The following TRDMT1 variants were observed in gnomAD, a reference collection of about 807,000 sequenced individuals.
The protein encoded by TRDMT1 is tRNA aspartic acid methyltransferase 1.
TRDMT1 carries 49 observed loss-of-function variants against 51.2 expected under a neutral mutation model. The observed-to-expected ratio is 0.96, with a 90% CI of 0.76 to 1.21. The LOEUF is 1.21. Among genes scored for constraint, TRDMT1 ranks in the 50% most tolerant of loss-of-function variants. TRDMT1 has a pLI of 0.00. For missense variants in TRDMT1, 534 were observed against 462.3 expected, an observed-to-expected ratio of 1.16 and a Z score of -1.42; for synonymous variants, 187 against 164.6, an observed-to-expected ratio of 1.14 and a Z score of -1.04.
chr10:17,179,358 C>T (rs1842994796), intron 1 of TRDMT1, among the ~76,000 whole-genome samples: 3 of 152,100 alleles, frequency 2.0e-5, no homozygotes, highest in Admixed American at 2.0e-4. Context: ...CATAGCCCAG[C>T]ATTACCCTTA....
At chr10:17,187,287 T>C (rs1247597150) in intron 1 of TRDMT1, among the ~76,000 whole-genome samples, 1 of 152,194 alleles carries the variant, frequency 6.6e-6, no homozygotes, top group African/African-American at 2.4e-5. Context: ...TAATAATAAT[T>C]TTTAAATATT....
At chr10:17,159,044 G>C (rs1588526427) in intron 7 of TRDMT1, 102 bp downstream of exon 7, 4 of 738,860 alleles carry the variant, frequency 5.4e-6, no homozygotes, top group Non-Finnish European at 8.1e-6. Context: ...ATAGTACACA[G>C]AGACAGCTAC....
chr10:17,189,924 T>A lies in TRDMT1; in HGVS notation c.64+11647A>T, dbSNP rs549908803. Among the ~76,000 whole-genome samples, 4 of 152,262 alleles carry A rather than the reference T, an allele frequency of 2.6e-5. No homozygotes were observed. In the East Asian group the frequency reaches 7.7e-4, roughly 29 times the overall value. On this transcript the variant is annotated intron_variant, in intron 1 of 10. Transcript: ENST00000377799. ...TACTAGAGGGTAATTAACTTCATTA[T>A]TGAGTTTGAACAAAAATCAGTAATG...
chr10:17,195,461 AG>A lies in TRDMT1; in HGVS notation c.64+6109del, dbSNP rs895002305. Among the ~76,000 whole-genome samples, 4 of 152,178 alleles carry A rather than the reference AG, an allele frequency of 2.6e-5. No individual in the cohort carries two copies. The South Asian group carries it at 8.3e-4, about 32-fold the overall frequency. ...GACACCGGGGACTACTAGAGAGAGA[AG>A]GGGGGCAGCAAAGGTTAAAAAACTA... is the stretch of plus-strand genomic sequence containing the variant. On this transcript the variant is annotated intron_variant, in intron 1 of 10. Transcript: ENST00000377799.
chr10:17,156,723 G>A (rs1839565634), intron 8 of TRDMT1, among the ~76,000 whole-genome samples: 1 of 152,024 alleles, frequency 6.6e-6, no homozygotes, highest in South Asian at 2.1e-4. Flanking sequence ...ACTGATATGC[G>A]ATAATATTCT....
intron 1 of TRDMT1, among the ~76,000 whole-genome samples, chr10:17,176,049 C>T (rs1023305560): frequency 1.3e-5 from 2 of 152,144 alleles, no homozygotes; most frequent in African/African-American, 4.8e-5. Context: ...TAAATTGTAT[C>T]TGTTAAAGCC....
chr10:17,150,089 T>C (rs1367887689), intron 10 of TRDMT1, among the ~76,000 whole-genome samples: 4 of 152,148 alleles, frequency 2.6e-5, no homozygotes, highest in Non-Finnish European at 2.9e-5. Flanking sequence ...CCATTTCACA[T>C]TCACACACCC....
At position 17,182,619 on chromosome 10, in the gene TRDMT1, A is replaced by C. The variant is rs914267415; in HGVS notation, c.65-7959T>G. The stretch of plus-strand genomic sequence containing the variant: ...TGAAGAAAGAAGGTCAAGAGTCTTC[A>C]ATTTGGGGAGTGAAGACTTCCTTAT... On this transcript the variant is annotated intron_variant, in intron 1 of 10. Transcript: ENST00000377799. 3.9e-5 allele frequency among the ~76,000 whole-genome samples: 6 copies of C among 152,328 alleles called. No individual in the cohort carries two copies. In the East Asian group the frequency reaches 1.2e-3, roughly 29 times the overall value.
At chr10:17,195,433 A>C (rs1048351130) in intron 1 of TRDMT1, among the ~76,000 whole-genome samples, 1 of 152,186 alleles carries the variant, frequency 6.6e-6, no homozygotes, top group Admixed American at 6.5e-5. Flanking sequence ...GATGGCAACA[A>C]TAGACACCGG....
intron 5 of TRDMT1, among the ~76,000 whole-genome samples, chr10:17,161,243 C>A (rs999807338): frequency 6.6e-6 from 1 of 152,180 alleles, no homozygotes. Context: ...TTACCAACCA[C>A]TTACTCTAGA....
At chr10:17,167,763 T>C (rs189123474) in intron 3 of TRDMT1, among the ~76,000 whole-genome samples, 2 of 152,362 alleles carry the variant, frequency 1.3e-5, no homozygotes, top group Admixed American at 1.3e-4. Context: ...TTTTAAATTG[T>C]ACAATTAAGC....
At position 17,168,900 on chromosome 10, in the gene TRDMT1, C is replaced by T. The variant is rs1411491761; in HGVS notation, c.192G>A (p.Glu64=). ...TCATATCAAAAGATAATCTGTCAAACTCTTCGAGTGTAATGCCCTGAGGAA... is the reference window on the plus strand; with the variant it reads ...TCATATCAAAAGATAATCTGTCAAATTCTTCGAGTGTAATGCCCTGAGGAA... ...AKTIEGITLE[E]FDRLSFDMIL... The change falls in exon 3 of 11, where the codon GAG becomes GAA. Residue 64 remains glutamate, a synonymous_variant. Transcript: ENST00000377799. The T allele has an allele frequency of 1.2e-6, 2 of 1,611,802 alleles. No homozygotes were observed. The highest frequency in any genetic ancestry group is 4.5e-5 in the East Asian group (2 of 44,826).
intron 1 of TRDMT1, among the ~76,000 whole-genome samples, chr10:17,196,782 T>C (rs1845503495): frequency 6.6e-6 from 1 of 152,192 alleles, no homozygotes; most frequent in Admixed American, 6.5e-5. Context: ...GGCCGTGGTA[T>C]CTAGTGTCTA....
In TRDMT1 at chr10:17,193,570, CAT is replaced by C. The variant is rs1844984756; in HGVS notation, c.64+7999_64+8000del. ...TCTTCTTTATAACAGCCACAAAAAA[CAT>C]ATAAAAATACCTAGGAATACATCTA... On this transcript the variant is annotated intron_variant, in intron 1 of 10. Transcript: ENST00000377799. Among the ~76,000 whole-genome samples the C allele has an allele frequency of 2.6e-5, 4 of 152,094 alleles. No homozygotes were observed. In the South Asian group the frequency reaches 8.3e-4, roughly 32 times the overall value.
intron 1 of TRDMT1, among the ~76,000 whole-genome samples, chr10:17,190,848 T>G (rs1844597206): frequency 6.6e-6 from 1 of 152,246 alleles, no homozygotes; most frequent in Admixed American, 6.5e-5. Context: ...GCCTACATTC[T>G]AGAGGAGAGA....
chr10:17,174,721 T>C, intron 1 of TRDMT1, 61 bp from the exon 2 acceptor site: 2 of 1,233,076 alleles, frequency 1.6e-6, no homozygotes, highest in Non-Finnish European at 2.4e-6. Context: ...TAGAAAGAAA[T>C]CAAAATAGCA....
chr10:17,171,265 C>A (rs1044270985), intron 2 of TRDMT1, among the ~76,000 whole-genome samples: 1 of 152,054 alleles, frequency 6.6e-6, no homozygotes, highest in African/African-American at 2.4e-5. Context: ...TCTGCCAAGG[C>A]CTCCTTGTGT....
At chr10:17,167,096 TATAAG>T (rs1234723070) in intron 3 of TRDMT1, among the ~76,000 whole-genome samples, 7 of 152,226 alleles carry the variant, frequency 4.6e-5, no homozygotes, top group African/African-American at 1.7e-4. Flanking sequence ...AAGATAACAT[TATAAG>T]ATAATTATTT....
chr10:17,186,482 G>C (rs935276464), intron 1 of TRDMT1, among the ~76,000 whole-genome samples: 6 of 152,118 alleles, frequency 3.9e-5, no homozygotes, highest in Admixed American at 2.6e-4. Context: ...TAGAAAAAGG[G>C]ATAATGAGCC....
Sources: allele counts gnomAD v4.1 joint callset (sites outside exome capture counted in the v4.1 genomes callset), GRCh38; gene constraint gnomAD v4.1.1; transcripts MANE v1.5; gene names NCBI Gene and HGNC (gene_info 2026-07-23, HGNC 2026-07-21).